The following L3MBTL4 variants were observed in gnomAD, a reference collection of about 807,000 sequenced individuals.
L3MBTL4 encodes the protein L3MBTL histone methyl-lysine binding protein 4, also known as lethal(3)malignant brain tumor-like protein 4.
In L3MBTL4, 70 loss-of-function variants were observed where a neutral mutation model predicts 84.5. The ratio of observed to expected loss-of-function variants is 0.83; its 90% confidence interval spans 0.68 to 1.01. The LOEUF (loss-of-function observed/expected upper bound fraction) is 1.01, where lower values mean the gene tolerates loss of function less well. L3MBTL4 is among the 50% of genes least tolerant of loss of function. The pLI is 0.00. For missense variants in L3MBTL4, 715 were observed against 754.8 expected, an observed-to-expected ratio of 0.95 and a Z score of 0.62; for synonymous variants, 274 against 259.8, an observed-to-expected ratio of 1.05 and a Z score of -0.52.
At chr18:6,195,214 G>A (rs981856343) in intron 12 of L3MBTL4, among the ~76,000 whole-genome samples, 2 of 152,138 alleles carry the variant, frequency 1.3e-5, no homozygotes, top group African/African-American at 4.8e-5. Context: ...CATGATCTGA[G>A]CTGCCAGTCC....
At chr18:6,152,641 T>C (rs1438699217) in intron 13 of L3MBTL4, among the ~76,000 whole-genome samples, 1 of 152,202 alleles carries the variant, frequency 6.6e-6, no homozygotes, top group Non-Finnish European at 1.5e-5. Context: ...CTTATATACA[T>C]GGAGATAACC....
intron 16 of L3MBTL4, among the ~76,000 whole-genome samples, chr18:6,012,870 C>T (rs1399812032): frequency 1.3e-5 from 2 of 152,080 alleles, no homozygotes; most frequent in East Asian, 3.8e-4. Context: ...ACATGCTGTG[C>T]CTTTACTCTC....
chr18:6,386,605 A>C (rs1036521344), intron 1 of L3MBTL4, among the ~76,000 whole-genome samples: 5 of 152,162 alleles, frequency 3.3e-5, no homozygotes, highest in African/African-American at 1.2e-4. Flanking sequence ...GGCCTCTACC[A>C]CAGGCGGATC....
At chr18:5,966,001 AG>A (rs2052336162) in intron 17 of L3MBTL4, among the ~76,000 whole-genome samples, 1 of 152,182 alleles carries the variant, frequency 6.6e-6, no homozygotes, top group African/African-American at 2.4e-5. Context: ...CCCAGCAGCA[AG>A]GGCTGAGATT....
At chr18:6,265,130 T>G (rs2048575897) in intron 4 of L3MBTL4, among the ~76,000 whole-genome samples, 1 of 152,212 alleles carries the variant, frequency 6.6e-6, no homozygotes, top group Admixed American at 6.5e-5. Context: ...AAATGATCAT[T>G]TTTGGTAAAT....
chr18:6,383,475 G>A (rs889760230), intron 1 of L3MBTL4, among the ~76,000 whole-genome samples: 11 of 152,194 alleles, frequency 7.2e-5, no homozygotes, highest in African/African-American at 2.7e-4. Context: ...TCTGCAGGTT[G>A]TGAAGACCAT....
chr18:6,010,964 T>C (rs1014646002), intron 16 of L3MBTL4, among the ~76,000 whole-genome samples: 1 of 152,176 alleles, frequency 6.6e-6, no homozygotes, highest in Admixed American at 6.5e-5. Context: ...CCTTCCAAAA[T>C]ACAGAATGCA....
chr18:6,148,784 C>CA (rs900231311), intron 13 of L3MBTL4, among the ~76,000 whole-genome samples: 2 of 151,732 alleles, frequency 1.3e-5, no homozygotes, highest in Admixed American at 6.6e-5. Context: ...TTGGCATACA[C>CA]AAAAAAATGT....
At chr18:6,018,062 A>G (rs2055080812) in intron 16 of L3MBTL4, among the ~76,000 whole-genome samples, 1 of 152,188 alleles carries the variant, frequency 6.6e-6, no homozygotes. Flanking sequence ...TTTCTTATGC[A>G]TAGTAAGGTA....
At chr18:5,986,561 T>G (rs1308200365) in intron 16 of L3MBTL4, among the ~76,000 whole-genome samples, 1 of 152,236 alleles carries the variant, frequency 6.6e-6, no homozygotes, top group Non-Finnish European at 1.5e-5. Context: ...AATTTTTCTT[T>G]TCTTAAACTT....
rs138291097 is a variant in L3MBTL4, at chr18:6,252,699, G to A, written c.220-8111C>T. On this transcript the variant is annotated intron_variant, in intron 5 of 18. Coordinates refer to ENST00000317931, the MANE Select transcript of L3MBTL4 (RefSeq NM_001330559.2). ...GGCCATGATAAGACTCATATGTCCT[G>A]CTAAGAAAATTTTATTTCATTCTTA... Among the ~76,000 whole-genome samples, 1,221 of 152,302 alleles carry A rather than the reference G, an allele frequency of 8.0e-3. 17 individuals carry two copies. Among genetic ancestry groups the A allele is most frequent in the African/African-American group, 0.028 (1,178 of 41,562 alleles).
chr18:5,993,567 G>C (rs533927555), intron 16 of L3MBTL4, among the ~76,000 whole-genome samples: 120 of 152,218 alleles, frequency 7.9e-4, no homozygotes, highest in African/African-American at 2.8e-3. Flanking sequence ...ATTATTTTAG[G>C]ATTAGGCATA....
chr18:6,053,040 T>C (rs1340543563), intron 16 of L3MBTL4, among the ~76,000 whole-genome samples: 1 of 152,254 alleles, frequency 6.6e-6, no homozygotes, highest in African/African-American at 2.4e-5. Context: ...ACGTTGATTA[T>C]CAACCAGTCC....
intron 12 of L3MBTL4, among the ~76,000 whole-genome samples, chr18:6,177,102 G>A (rs772400519): frequency 2.6e-5 from 4 of 152,134 alleles, no homozygotes; most frequent in Non-Finnish European, 5.9e-5. Context: ...AGCTTAAACC[G>A]TGTGCCTACC....
chr18:6,264,318 C>T (rs78955081), intron 4 of L3MBTL4, among the ~76,000 whole-genome samples: 2,792 of 152,288 alleles, frequency 0.018, 68 homozygotes, highest in African/African-American at 0.056. Flanking sequence ...CATCTTGCTC[C>T]TCTCTAAGAG....
intron 1 of L3MBTL4, among the ~76,000 whole-genome samples, chr18:6,340,676 C>A (rs923177683): frequency 6.6e-5 from 10 of 152,240 alleles, no homozygotes; most frequent in African/African-American, 2.4e-4. Flanking sequence ...GACTCACTGA[C>A]AAATCCCTCA....
chr18:6,009,502 A>T (rs1000462775), intron 16 of L3MBTL4, among the ~76,000 whole-genome samples: 8 of 152,132 alleles, frequency 5.3e-5, no homozygotes, highest in African/African-American at 1.7e-4. Context: ...CAGTTTTAGT[A>T]CCACTGCCCC....
chr18:5,982,141 T>C (rs1283172844), intron 16 of L3MBTL4, among the ~76,000 whole-genome samples: 1 of 152,182 alleles, frequency 6.6e-6, no homozygotes, highest in East Asian at 1.9e-4. Context: ...AGCCCCTCTA[T>C]GTTGCGTTTC....
In L3MBTL4 at chr18:6,318,210, A is replaced by G. The variant is rs576073550; in HGVS notation, c.-90-6154T>C. On this transcript the variant is annotated intron_variant, in intron 1 of 18. Transcript: ENST00000317931. The stretch of plus-strand genomic sequence containing the variant: ...CAATAACACAATAAGAAAACAAACC[A>G]TCTAGGTAACAATTAACATGATGAC... 2.0e-5 allele frequency among the ~76,000 whole-genome samples: 3 copies of G among 152,112 alleles called. No individual in the cohort carries two copies. In the South Asian group the frequency reaches 6.2e-4, roughly 32 times the overall value.
Sources: gnomAD v4.1 joint callset for allele counts (sites outside exome capture counted in the v4.1 genomes callset) on GRCh38, gnomAD v4.1.1 for gene constraint, MANE v1.5 for transcripts, NCBI Gene and HGNC (gene_info 2026-07-23, HGNC 2026-07-21) for gene names.